The following CSMD1 variants were observed in gnomAD, a reference collection of about 807,000 sequenced individuals.
CSMD1 encodes the protein CUB and Sushi multiple domains 1.
CSMD1 carries 213 observed loss-of-function variants against 417.5 expected under a neutral mutation model. The observed-to-expected ratio is 0.51, with a 90% CI of 0.46 to 0.57. CSMD1 has a LOEUF of 0.57. CSMD1 is among the 20% of genes least tolerant of loss of function. CSMD1 has a pLI of 0.00. For synonymous variants in CSMD1, 2,862 were observed against 1,736.8 expected (o/e 1.65, Z -16.11); for missense variants, 6,923 against 4,529.7 (o/e 1.53, Z -15.17).
At chr8:3,553,938 C>T (rs1362447728) in intron 10 of CSMD1, among the ~76,000 whole-genome samples, 1 of 152,002 alleles carries the variant, frequency 6.6e-6, no homozygotes, top group Admixed American at 6.6e-5. Flanking sequence ...CGTAATGGGG[C>T]AAAACAGAAT....
chr8:4,514,422 C>A (rs568557005), intron 2 of CSMD1, among the ~76,000 whole-genome samples: 1 of 152,162 alleles, frequency 6.6e-6, no homozygotes, highest in African/African-American at 2.4e-5. Flanking sequence ...GAAGGCAGAT[C>A]TGAATGCCAC....
chr8:4,857,535 A>C (rs1801875635), intron 1 of CSMD1, among the ~76,000 whole-genome samples: 1 of 152,234 alleles, frequency 6.6e-6, no homozygotes, highest in Non-Finnish European at 1.5e-5. Context: ...CTAATGAAAA[A>C]AAGAGAGAAG....
intron 2 of CSMD1, among the ~76,000 whole-genome samples, chr8:4,551,251 C>G (rs931594826): frequency 2.6e-5 from 4 of 151,940 alleles, no homozygotes; most frequent in Non-Finnish European, 5.9e-5. Flanking sequence ...CAGAGGCAGG[C>G]TATCTTTTTA....
chr8:3,510,098 G>T (rs1585277589), intron 10 of CSMD1, among the ~76,000 whole-genome samples: 1 of 152,094 alleles, frequency 6.6e-6, no homozygotes, highest in East Asian at 1.9e-4. Context: ...GAAAGTAAAT[G>T]ATTCCAGCCT....
chr8:4,035,935 C>T (rs113797140), intron 3 of CSMD1, among the ~76,000 whole-genome samples: 1 of 152,298 alleles, frequency 6.6e-6, no homozygotes, highest in South Asian at 2.1e-4. Flanking sequence ...CTTCCAGCCC[C>T]ACAAACTCTA....
At chr8:4,176,564 C>A (rs1430153680) in intron 3 of CSMD1, among the ~76,000 whole-genome samples, 2 of 151,994 alleles carry the variant, frequency 1.3e-5, no homozygotes, top group Admixed American at 1.3e-4. Context: ...CCCATTTTGG[C>A]AGTAGAAGTA....
chr8:3,646,716 G>C (rs950665178), intron 7 of CSMD1, among the ~76,000 whole-genome samples: 1 of 152,046 alleles, frequency 6.6e-6, no homozygotes, highest in Non-Finnish European at 1.5e-5. Flanking sequence ...CAGCGCTTTC[G>C]ACCTGGCTCC....
In CSMD1 at chr8:4,855,035, C is replaced by G. The variant is rs577344638; in HGVS notation, c.85+139297G>C. Among the ~76,000 whole-genome samples the G allele has an allele frequency of 3.3e-5, 5 of 152,234 alleles. No homozygotes were observed. The East Asian group carries it at 5.8e-4, about 18-fold the overall frequency. ...CCCTGTCTGACAGGTTTGAAGAGAG[C>G]AGTGGTTCTCCCAGCAAGCAGCTGG... On this transcript the variant is annotated intron_variant, in intron 1 of 69. Coordinates refer to ENST00000635120, the MANE Select transcript of CSMD1 (RefSeq NM_033225.6).
chr8:4,838,630 C>T (rs1800645479), intron 1 of CSMD1, among the ~76,000 whole-genome samples: 1 of 152,194 alleles, frequency 6.6e-6, no homozygotes, highest in Admixed American at 6.5e-5. Flanking sequence ...CATGCTATTG[C>T]AAAACAATAG....
intron 26 of CSMD1, among the ~76,000 whole-genome samples, chr8:3,256,460 T>C (rs1271884021): frequency 6.6e-6 from 1 of 152,206 alleles, no homozygotes. Context: ...CTCCTAACTT[T>C]TTATTGATGC....
intron 3 of CSMD1, among the ~76,000 whole-genome samples, chr8:4,167,992 G>C (rs981106608): frequency 9.9e-5 from 15 of 152,054 alleles, no homozygotes; most frequent in African/African-American, 3.4e-4. Context: ...AGCCAGGCGT[G>C]GTGGCAGACT....
At chr8:4,121,538 A>T (rs781583433) in intron 3 of CSMD1, among the ~76,000 whole-genome samples, 5 of 152,112 alleles carry the variant, frequency 3.3e-5, no homozygotes, top group Non-Finnish European at 7.3e-5. Flanking sequence ...TGTTAATAGA[A>T]GTGAAGCAAT....
intron 21 of CSMD1, among the ~76,000 whole-genome samples, chr8:3,353,139 G>T (rs1279750107): frequency 6.6e-6 from 1 of 152,188 alleles, no homozygotes; most frequent in Non-Finnish European, 1.5e-5. Context: ...AATAATCCAT[G>T]AGGGCTACTT....
intron 6 of CSMD1, among the ~76,000 whole-genome samples, chr8:3,751,754 T>G (rs552147249): frequency 1.9e-4 from 29 of 152,120 alleles, no homozygotes; most frequent in African/African-American, 6.7e-4. Flanking sequence ...ATATTCCATT[T>G]TTAACCTTTC....
rs1796761239 is a variant in CSMD1, at chr8:4,530,590, G to A, written c.302+106752C>T. 6.0e-5 allele frequency among the ~76,000 whole-genome samples: 9 copies of A among 150,974 alleles called. No homozygotes were observed. In the South Asian group the frequency reaches 1.9e-3, roughly 32 times the overall value. On this transcript the variant is annotated intron_variant, in intron 2 of 69. Coordinates refer to ENST00000635120, the MANE Select transcript of CSMD1 (RefSeq NM_033225.6). ...GCTCCCACTTATGAGTGAGGAACAT[G>A]CGGTACTTGATTTTCTGTTCCTGTA...
rs766376387 is a variant in CSMD1 at position 3,029,322 on chromosome 8, G to A, written c.7852C>T (p.Arg2618Ter). 3 of 1,601,574 alleles carry A rather than the reference G, an allele frequency of 1.9e-6. No homozygotes were observed. The highest frequency in any genetic ancestry group is 2.2e-5 in the East Asian group (1 of 44,676). Residue 2618 changes from arginine to a stop codon, truncating the protein, a stop_gained, in exon 51 of 70, where the codon CGA becomes TGA. Coordinates refer to ENST00000635120, the MANE Select transcript of CSMD1 (RefSeq NM_033225.6). LOFTEE classifies it high-confidence loss of function. ...GGGTGCCTCCCTCATCACTTACCTCGACAGCTTGGCCTCTCATCTCCTATG... is the reference window on the plus strand; with the variant it reads ...GGGTGCCTCCCTCATCACTTACCTCAACAGCTTGGCCTCTCATCTCCTATG... ...WNIGDERPSCRVISCGSLSFP... is the reference protein window; with the variant it reads ...WNIGDERPSC
chr8:4,417,740 A>G (rs964297746), intron 3 of CSMD1, among the ~76,000 whole-genome samples: 1 of 152,006 alleles, frequency 6.6e-6, no homozygotes, highest in Non-Finnish European at 1.5e-5. Flanking sequence ...TGTGACTCTA[A>G]ATCAACTTGA....
chr8:4,884,179 T>C (rs1803580503), intron 1 of CSMD1, among the ~76,000 whole-genome samples: 1 of 151,978 alleles, frequency 6.6e-6, no homozygotes, highest in Non-Finnish European at 1.5e-5. Context: ...TTGGTTGCCT[T>C]TTTATTATTG....
intron 3 of CSMD1, among the ~76,000 whole-genome samples, chr8:4,376,458 A>G (rs1325980815): frequency 3.3e-5 from 5 of 152,180 alleles, no homozygotes; most frequent in Non-Finnish European, 7.4e-5. Context: ...TATTCTGTAG[A>G]AACATCATTT....
Sources: gnomAD v4.1 joint callset for allele counts (sites outside exome capture counted in the v4.1 genomes callset) on GRCh38, gnomAD v4.1.1 for gene constraint, MANE v1.5 for transcripts, NCBI Gene and HGNC (gene_info 2026-07-23, HGNC 2026-07-21) for gene names.